Variants in EML1 observed in about 807,000 individuals in gnomAD.
EML1 encodes the protein EMAP like 1, also known as echinoderm microtubule-associated protein-like 1.
Under a neutral mutation model 110.4 loss-of-function variants are expected in EML1, and 27 were observed. The ratio of observed to expected loss-of-function variants is 0.24; its 90% CI spans 0.18 to 0.34. The LOEUF (loss-of-function observed/expected upper bound fraction) is 0.34, where lower values mean the gene tolerates loss of function less well. Ranked by LOEUF, EML1 falls within the 10% of genes least tolerant of loss-of-function variation. The pLI is 1.00. For synonymous variants in EML1, 344 were observed against 385.8 expected, an observed-to-expected ratio of 0.89 and a Z score of 1.27; for missense variants, 741 against 1,030.9, an observed-to-expected ratio of 0.72 and a Z score of 3.85.
intron 3 of EML1, among the ~76,000 whole-genome samples, chr14:99,874,538 G>A (rs1473192617): frequency 1.3e-5 from 2 of 151,688 alleles, no homozygotes; most frequent in Non-Finnish European, 2.9e-5. Flanking sequence ...TGCAGTGAGT[G>A]TACGGTATTG....
At chr14:99,932,573 A>G (rs2060391059) in intron 17 of EML1, among the ~76,000 whole-genome samples, 1 of 149,302 alleles carries the variant, frequency 6.7e-6, no homozygotes, top group African/African-American at 2.5e-5. Context: ...CAGGAGGCAG[A>G]GGGGCAGATG....
chr14:99,871,287 C>T (rs571455322), intron 3 of EML1, among the ~76,000 whole-genome samples: 2 of 152,058 alleles, frequency 1.3e-5, no homozygotes, highest in Non-Finnish European at 1.5e-5. Flanking sequence ...AGTGATTCCT[C>T]TAATAGATCT....
intron 1 of EML1, among the ~76,000 whole-genome samples, chr14:99,828,668 A>G (rs1435236786): frequency 6.6e-5 from 10 of 152,168 alleles, no homozygotes; most frequent in Non-Finnish European, 1.2e-4. Flanking sequence ...TTGAAAATCT[A>G]CTTTTGATTC....
intron 2 of EML1, among the ~76,000 whole-genome samples, chr14:99,863,985 G>A (rs1248566113): frequency 1.3e-5 from 2 of 152,198 alleles, no homozygotes; most frequent in Non-Finnish European, 2.9e-5. Context: ...TCGGCATCCC[G>A]GCCATCAATT....
intron 1 of EML1, among the ~76,000 whole-genome samples, chr14:99,759,811 G>A (rs2057294839): frequency 6.6e-6 from 1 of 152,176 alleles, no homozygotes; most frequent in Non-Finnish European, 1.5e-5. Context: ...TTGCGTTCAT[G>A]CATCAAGAGC....
rs891943362 is a variant in EML1, at chr14:99,784,394, G to C, written c.-27+10381G>C. The stretch of plus-strand genomic sequence containing the variant: ...AGGTGTAAGCCACTGTGCCTGGCCT[G>C]CAAGGACATTTTAAAAAGAATTAGC... On this transcript the variant is annotated intron_variant, in intron 1 of 22. Coordinates refer to the EML1 transcript ENST00000327921. This position sits in a 1 kb window ranked among gnomAD's most constrained non-coding sequence, Gnocchi z 4.5. 3.9e-5 allele frequency among the ~76,000 whole-genome samples: 6 copies of C among 152,170 alleles called. No individual in the cohort carries two copies. The highest frequency in any genetic ancestry group is 6.5e-5 in the Admixed American group (1 of 15,280).
chr14:99,783,994 G>T (rs1211835533), intron 1 of EML1, among the ~76,000 whole-genome samples: 1 of 152,378 alleles, frequency 6.6e-6, no homozygotes, highest in African/African-American at 2.4e-5. Context: ...AGATGCTACG[G>T]TTGGAAATTC....
intron 3 of EML1, among the ~76,000 whole-genome samples, chr14:99,875,599 C>A (rs2059277360): frequency 6.6e-6 from 1 of 152,182 alleles, no homozygotes. Flanking sequence ...TGAACTCCCA[C>A]AAGGACGCCC....
intron 1 of EML1, among the ~76,000 whole-genome samples, chr14:99,798,482 C>T (rs2057817212): frequency 6.6e-6 from 1 of 151,818 alleles, no homozygotes; most frequent in Admixed American, 6.6e-5. Context: ...AACCTCCGCC[C>T]CCTAGGTTCA....
intron 1 of EML1, among the ~76,000 whole-genome samples, chr14:99,747,321 A>G (rs2057122603): frequency 6.6e-6 from 1 of 152,128 alleles, no homozygotes; most frequent in Non-Finnish European, 1.5e-5. Flanking sequence ...GGCCTGGACC[A>G]AGGGACCAGC....
intron 17 of EML1, among the ~76,000 whole-genome samples, chr14:99,933,794 T>G (rs2060416934): frequency 6.6e-6 from 1 of 152,160 alleles, no homozygotes; most frequent in Non-Finnish European, 1.5e-5. Context: ...CATAGTAGGC[T>G]CTCAAACATA....
rs1833884027 is a variant in EML1, at chr14:99,939,803, G to A, written c.2323-184G>A. ...TCGTGTCTGTCCCCTACCAGGCCAC[G>A]AGGACTGTGGGCTTTGTTTCTGTGT... On this transcript the variant is annotated intron_variant, in intron 21 of 21. Coordinates refer to ENST00000262233, the MANE Select transcript of EML1 (RefSeq NM_004434.3). This position sits in a 1 kb window ranked among gnomAD's most constrained non-coding sequence, Gnocchi z 4.2. Among the ~76,000 whole-genome samples the A allele has an allele frequency of 6.6e-6, 1 of 152,086 alleles. No individual in the cohort carries two copies.
intron 9 of EML1, 73 bp downstream of exon 9, chr14:99,901,112 G>A (rs1282312246): frequency 1.5e-6 from 2 of 1,326,604 alleles, no homozygotes; most frequent in African/African-American, 2.9e-5. Context: ...GTTGAAGAGG[G>A]GGAGTTGACA....
chr14:99,739,929 CAGACT>C (rs879308505), intron 1 of EML1, among the ~76,000 whole-genome samples: 5 of 152,146 alleles, frequency 3.3e-5, no homozygotes, highest in Non-Finnish European at 7.3e-5. Flanking sequence ...TGACCTAGGG[CAGACT>C]ATTCAAGGGC....
chr14:99,881,652 G>A (rs570489057), intron 4 of EML1, among the ~76,000 whole-genome samples: 8 of 150,018 alleles, frequency 5.3e-5, no homozygotes, highest in African/African-American at 2.0e-4. Flanking sequence ...CCAGGCTGGA[G>A]TGCAGTGGCA....
intron 1 of EML1, among the ~76,000 whole-genome samples, chr14:99,758,295 G>C (rs1041636238): frequency 1.3e-5 from 2 of 152,216 alleles, no homozygotes; most frequent in Admixed American, 6.5e-5. Context: ...CCTGCCAGGG[G>C]GCTCTTTGGC....
chr14:99,850,608 A>G (rs2058779779), intron 1 of EML1, among the ~76,000 whole-genome samples: 1 of 152,220 alleles, frequency 6.6e-6, no homozygotes, highest in African/African-American at 2.4e-5. Flanking sequence ...TATAATGTCA[A>G]TTAAAACCAC....
chr14:99,773,169 C>T (rs905949473), exon 1 of EML1: 3 of 152,200 alleles, frequency 2.0e-5, no homozygotes, highest in Non-Finnish European at 4.4e-5. Context: ...CACACCCCCG[C>T]GCATGCCAAC....
At chr14:99,935,155 G>T (rs938037796) in intron 17 of EML1, among the ~76,000 whole-genome samples, 1 of 152,132 alleles carries the variant, frequency 6.6e-6, no homozygotes, top group Non-Finnish European at 1.5e-5. Flanking sequence ...GACAGGGAGG[G>T]GCTTATAAGA....
Sources: gnomAD v4.1 joint callset for allele counts (sites outside exome capture counted in the v4.1 genomes callset) on GRCh38, gnomAD v4.1.1 for gene constraint, Gnocchi (gnomAD v3.1) non-coding constraint, MANE v1.5 for transcripts, NCBI Gene and HGNC (gene_info 2026-07-23, HGNC 2026-07-21) for gene names.